Variants in DLC1 observed in about 807,000 individuals in gnomAD.
DLC1 encodes the protein DLC1 Rho GTPase activating protein.
Under a neutral mutation model 140.3 loss-of-function variants are expected in DLC1, and 54 were observed. The observed-to-expected ratio is 0.38, with a 90% CI of 0.31 to 0.48. The LOEUF is 0.48. Among genes scored for constraint, DLC1 ranks in the 20% least tolerant of loss-of-function variants. The probability of loss-of-function intolerance (pLI) is 0.96; values close to 1 mark genes in which losing one functional copy is unlikely to be tolerated. For synonymous variants in DLC1, 986 were observed against 728.1 expected, an observed-to-expected ratio of 1.35 and a Z score of -5.70; for missense variants, 2,536 against 1,907.0, an observed-to-expected ratio of 1.33 and a Z score of -6.14.
At chr8:13,095,338 C>T in intron 10 of DLC1, 93 bp from the exon 11 acceptor site, 1 of 1,511,464 alleles carries the variant, frequency 6.6e-7, no homozygotes, top group Admixed American at 1.7e-5. Flanking sequence ...CCTGTGGGCT[C>T]CAGATCTGTG....
In DLC1 at chr8:13,084,031, C is replaced by A. The variant is rs1379647665; in HGVS notation, c.*1780G>T. ...TTATTTTCTTCACTTAGACTGTATTCACGTAAAGTGTATTTACAATAAGAA... is the reference window on the plus strand; with the variant it reads ...TTATTTTCTTCACTTAGACTGTATTAACGTAAAGTGTATTTACAATAAGAA... On this transcript the variant is annotated 3_prime_UTR_variant, in exon 18 of 18. Coordinates refer to ENST00000276297, the MANE Select transcript of DLC1 (RefSeq NM_182643.3). The A allele has an allele frequency of 2.6e-5, 4 of 152,402 alleles. No homozygotes were observed. The highest frequency in any genetic ancestry group is 4.4e-5 in the Non-Finnish European group (3 of 68,008). 9.4% of individuals were successfully genotyped at this position (152,402 alleles called of 1,614,324 possible). A position where few individuals can be genotyped will look rare whatever the true frequency, so the allele number is the denominator to read the frequency against.
chr8:13,437,157 T>TG lies in DLC1; in HGVS notation c.1024-35539_1024-35538insC, dbSNP rs537852977. On this transcript the variant is annotated intron_variant, in intron 2 of 17. Transcript: ENST00000276297. Reference sequence around the variant, plus strand: ...CCTCTGTCTACGCCATTCCTACTGTTTCTCAAGTTGACAAGTTGAGAAGTG... The same window carrying TG: ...CCTCTGTCTACGCCATTCCTACTGTTGTCTCAAGTTGACAAGTTGAGAAGTG... Among the ~76,000 whole-genome samples, 20 of 152,318 alleles carry TG rather than the reference T, an allele frequency of 1.3e-4. No individual in the cohort carries two copies. The East Asian group carries it at 3.5e-3, about 26-fold the overall frequency.
At position 13,499,650 on chromosome 8, in the gene DLC1, A is replaced by G. The variant is rs1030926930; in HGVS notation, c.422T>C (p.Ile141Thr). The G allele has an allele frequency of 3.1e-6, 5 of 1,614,118 alleles. No individual in the cohort carries two copies. The South Asian group carries it at 3.3e-5, about 11-fold the overall frequency. The change falls in exon 2 of 18, where the codon ATC becomes ACC. Residue 141 changes from isoleucine (I) to threonine (T), a missense_variant. Coordinates refer to ENST00000276297, the MANE Select transcript of DLC1 (RefSeq NM_182643.3). Reference protein sequence around the residue: ...QGQKTSGQHMIQGAGSLEKAL... With the variant: ...QGQKTSGQHMTQGAGSLEKAL... ...CTTTTCTAAGGAGCCTGCTCCTTGG[A>G]TCATATGTTGGCCTGATGTTTTCTG...
chr8:13,483,548 T>C (rs983792360), intron 2 of DLC1, among the ~76,000 whole-genome samples: 1 of 152,056 alleles, frequency 6.6e-6, no homozygotes, highest in African/African-American at 2.4e-5. Context: ...ACTTGAAGAA[T>C]AACCAAAAAC....
intron 5 of DLC1, among the ~76,000 whole-genome samples, chr8:13,154,416 C>T (rs552703426): frequency 2.0e-5 from 3 of 152,348 alleles, no homozygotes; most frequent in South Asian, 2.1e-4. Flanking sequence ...GGACCCGGCG[C>T]CCCCTCCGCA....
intron 5 of DLC1, among the ~76,000 whole-genome samples, chr8:13,219,571 C>G (rs1476624444): frequency 2.0e-5 from 3 of 151,302 alleles, no homozygotes; most frequent in African/African-American, 4.8e-5. Flanking sequence ...GACTCAAATT[C>G]AAATTTCCTT....
intron 1 of DLC1, among the ~76,000 whole-genome samples, chr8:13,586,589 GCACACACACACACACACA>G (rs3066494): frequency 7.0e-6 from 1 of 142,948 alleles, no homozygotes; most frequent in Non-Finnish European, 1.5e-5. Context: ...AGATGCACAT[GCACACACACACACACACA>G]CACACACACA....
rs1819567676 is a variant in DLC1, at chr8:13,106,382, G to C, written c.1503-3529C>G. Among the ~76,000 whole-genome samples the C allele has an allele frequency of 2.0e-5, 3 of 152,134 alleles. No homozygotes were observed. In the South Asian group the frequency reaches 6.2e-4, roughly 31 times the overall value. On this transcript the variant is annotated intron_variant, in intron 7 of 17. Transcript: ENST00000276297. The stretch of plus-strand genomic sequence containing the variant: ...AGCCTTTTCTTTTCTTTTTGAGACA[G>C]GGTCACTCAGGTTGGAATGCAATGG...
chr8:13,355,845 G>A (rs958150514), intron 4 of DLC1, among the ~76,000 whole-genome samples: 1 of 151,904 alleles, frequency 6.6e-6, no homozygotes, highest in Non-Finnish European at 1.5e-5. Flanking sequence ...AGCACTTTGG[G>A]AGGCTAAGGT....
intron 5 of DLC1, among the ~76,000 whole-genome samples, chr8:13,269,019 A>G (rs560225418): frequency 2.7e-5 from 4 of 150,862 alleles, no homozygotes; most frequent in East Asian, 2.0e-4. Context: ...GACTAAAGGC[A>G]CCCGCCACCA....
rs779715824 is a variant in DLC1 at position 13,116,014 on chromosome 8, G to T, written c.1349-357C>A. The T allele has an allele frequency of 5.6e-5, 24 of 428,028 alleles. 1 individual carries two copies. The highest frequency in any genetic ancestry group is 1.0e-3 in the Middle Eastern group (1 of 982). The allele number at this position is 428,028 out of a possible 1,614,324, so 26.5% of individuals were successfully genotyped here. On this transcript the variant is annotated intron_variant, in intron 5 of 17. Coordinates refer to ENST00000276297, the MANE Select transcript of DLC1 (RefSeq NM_182643.3). ...TAATAACTCATTTGAAGCCTGGCCGGCCTATTGTACTACTTTTCACTTCAA... is the reference window on the plus strand; with the variant it reads ...TAATAACTCATTTGAAGCCTGGCCGTCCTATTGTACTACTTTTCACTTCAA...
intron 5 of DLC1, among the ~76,000 whole-genome samples, chr8:13,120,356 A>AAAAAAATATATATATATATATATAT: frequency 2.0e-4 from 12 of 61,116 alleles, no homozygotes; most frequent in East Asian, 1.4e-3. Flanking sequence ...AAAAAAAAAA[A>AAAAAAATATATATATATATATATAT]ATATATATAT....
intron 7 of DLC1, among the ~76,000 whole-genome samples, chr8:13,104,870 C>T (rs1410544195): frequency 6.6e-6 from 1 of 152,180 alleles, no homozygotes; most frequent in East Asian, 1.9e-4. Flanking sequence ...AAGAAAAAGT[C>T]TGCACACTTT....
At chr8:13,321,298 G>A (rs1034576941) in intron 4 of DLC1, among the ~76,000 whole-genome samples, 1 of 152,072 alleles carries the variant, frequency 6.6e-6, no homozygotes, top group African/African-American at 2.4e-5. Context: ...TCAGCACTTT[G>A]CAAGGCTGTA....
At chr8:13,370,787 G>A (rs2117115659) in intron 4 of DLC1, among the ~76,000 whole-genome samples, 1 of 152,236 alleles carries the variant, frequency 6.6e-6, no homozygotes, top group South Asian at 2.1e-4. Flanking sequence ...TATTCTTGTT[G>A]CTCTAAATCC....
At chr8:13,174,741 C>T (rs1264495782) in intron 5 of DLC1, among the ~76,000 whole-genome samples, 1 of 152,048 alleles carries the variant, frequency 6.6e-6, no homozygotes, top group Non-Finnish European at 1.5e-5. Context: ...ACTTAAGTTC[C>T]TTATAGATTC....
At chr8:13,175,233 C>A (rs1019334746) in intron 5 of DLC1, among the ~76,000 whole-genome samples, 9 of 150,376 alleles carry the variant, frequency 6.0e-5, no homozygotes, top group African/African-American at 2.2e-4. Context: ...ATTTTTGCAC[C>A]AGTACCATGT....
chr8:13,296,616 A>G (rs3097640), intron 5 of DLC1, among the ~76,000 whole-genome samples: 7 of 152,202 alleles, frequency 4.6e-5, no homozygotes, highest in African/African-American at 9.6e-5. Context: ...TGTTTCATCT[A>G]CCAAATAAAC....
intron 2 of DLC1, among the ~76,000 whole-genome samples, chr8:13,467,473 G>C (rs1799993582): frequency 7.0e-6 from 1 of 142,080 alleles, no homozygotes; most frequent in South Asian, 2.2e-4. Context: ...CTTTTTAATG[G>C]ATGTTGGACT....
Sources: allele counts gnomAD v4.1 joint callset (sites outside exome capture counted in the v4.1 genomes callset), GRCh38; gene constraint gnomAD v4.1.1; transcripts MANE v1.5; gene names NCBI Gene and HGNC (gene_info 2026-07-23, HGNC 2026-07-21).